Variants in ZNF223 observed in about 807,000 individuals in gnomAD.
The protein encoded by ZNF223 is zinc finger protein 223, also known as Homo sapiens zinc finger protein 223.
In ZNF223, 9 loss-of-function variants were observed where a neutral mutation model predicts 12.3. That is an observed-to-expected ratio of 0.73 (90% CI 0.44 to 1.28). The LOEUF is 1.28. Among genes scored for constraint, ZNF223 ranks in the 50% most tolerant of loss-of-function variants. The pLI is 0.00. For missense variants in ZNF223, 506 were observed against 579.0 expected (o/e 0.87, Z 1.29); for synonymous variants, 171 against 195.2 (o/e 0.88, Z 1.03).
Position 44,066,614 on chromosome 19 carries a change from T to TTTCTCTCCCATGTGG in ZNF223, c.786_787insTTCTCTCCCATGTGG (p.Cys262_Glu263insPheSerProMetTrp), listed in dbSNP as rs769286577. ...ACATGGGAGAGAAACATTATAATTGTGAGGCATGTGGGAGGGCCTTCATTC... is the reference window on the plus strand; with the variant it reads ...ACATGGGAGAGAAACATTATAATTGTTTCTCTCCCATGTGGGAGGCATGTGGGAGGGCCTTCATTC... On this transcript the variant is annotated inframe_insertion, in exon 5 of 5. Transcript: ENST00000434772. 72 of 1,614,216 alleles carry TTTCTCTCCCATGTGG rather than the reference T, an allele frequency of 4.5e-5. No homozygotes were observed. In the African/African-American group the frequency reaches 6.9e-4, roughly 16 times the overall value.
chr19:44,062,802 A>G (rs1283035695), intron 4 of ZNF223, among the ~76,000 whole-genome samples: 1 of 152,110 alleles, frequency 6.6e-6, no homozygotes, highest in Admixed American at 6.5e-5. Context: ...TCTGCAGCCC[A>G]TTTGCCTTTT....
intron 2 of ZNF223, among the ~76,000 whole-genome samples, chr19:44,056,215 C>T (rs969027994): frequency 6.6e-6 from 1 of 151,866 alleles, no homozygotes; most frequent in African/African-American, 2.4e-5. Flanking sequence ...GCACAAGATA[C>T]CTCACACATT....
At chr19:44,054,537 G>GT (rs36103129) in intron 1 of ZNF223, among the ~76,000 whole-genome samples, 40 of 149,158 alleles carry the variant, frequency 2.7e-4, no homozygotes, top group African/African-American at 6.2e-4. Context: ...TGCATTAACA[G>GT]TTTTTTTTTT....
In ZNF223 at chr19:44,066,798, G is replaced by T. The variant is rs61729338; in HGVS notation, c.970G>T (p.Gly324Cys). The change falls in exon 5 of 5, where the codon GGC (glycine) becomes TGC (cysteine). Residue 324 changes from glycine (G) to cysteine (C), a missense_variant. By Grantham distance (159) the Gly-to-Cys change is radical. Coordinates refer to ENST00000434772, the MANE Select transcript of ZNF223 (RefSeq NM_013361.6). ...KPNSTGEYGKGFIRRLDLCKH... is the reference protein window; with the variant it reads ...KPNSTGEYGKCFIRRLDLCKH... ...AAACAGCACTGGGGAATATGGAAAA[G>T]GCTTCATTCGTAGGCTGGATTTGTG... is the stretch of plus-strand genomic sequence containing the variant. 6.2e-7 allele frequency: 1 copy of T among 1,614,136 alleles called. No individual in the cohort carries two copies. Among genetic ancestry groups the T allele is most frequent in the Non-Finnish European group, 8.5e-7 (1 of 1,180,024 alleles).
intron 2 of ZNF223, 71 bp downstream of exon 2, chr19:44,055,262 G>T: frequency 1.3e-6 from 2 of 1,554,774 alleles, no homozygotes; most frequent in East Asian, 2.2e-5. Context: ...GTTTTTCTCT[G>T]CCCTGGGAAG....
At chr19:44,061,155 C>G (rs1976834044) in intron 4 of ZNF223, among the ~76,000 whole-genome samples, 1 of 152,194 alleles carries the variant, frequency 6.6e-6, no homozygotes, top group Non-Finnish European at 1.5e-5. Flanking sequence ...TCATTTTTCA[C>G]TGCTTCTTGA....
chr19:44,058,441 A>G (rs1261424736), intron 2 of ZNF223, among the ~76,000 whole-genome samples: 1 of 152,236 alleles, frequency 6.6e-6, no homozygotes, highest in African/African-American at 2.4e-5. Flanking sequence ...CATGACCACA[A>G]GCAGCACAGC....
At position 44,055,090 on chromosome 19, in the gene ZNF223, T is replaced by C. The variant is rs1254839760; in HGVS notation, c.-68-19T>C. ...CCACCCTTTCATGTCTCTTTTTCTG[T>C]CTTCATGGCACTTTCCAGGCACAAT... On this transcript the variant is annotated intron_variant, in intron 1 of 4. Transcript: ENST00000434772. 7.1e-7 allele frequency: 1 copy of C among 1,406,098 alleles called. No individual in the cohort carries two copies. Among genetic ancestry groups the C allele is most frequent in the Non-Finnish European group, 1.0e-6 (1 of 1,002,912 alleles). 87.1% of individuals were successfully genotyped at this position (1,406,098 alleles called of 1,614,324 possible). A position where few individuals can be genotyped will look rare whatever the true frequency, so the allele number is the denominator to read the frequency against.
rs150263475 is a variant in ZNF223 at position 44,066,835 on chromosome 19, C to T, written c.1007C>T (p.Thr336Met). The change falls in exon 5 of 5, where the codon ACG (threonine) becomes ATG (methionine). Residue 336 changes from threonine to methionine, a missense_variant. Physicochemically the swap from Thr to Met is moderately conservative, Grantham distance 81. Coordinates refer to ENST00000434772, the MANE Select transcript of ZNF223 (RefSeq NM_013361.6). Reference protein sequence around the residue: ...IRRLDLCKHQTIHTGEKPYNC... With the variant: ...IRRLDLCKHQMIHTGEKPYNC... ...AGGCTGGATTTGTGTAAGCATCAGA[C>T]GATCCACACAGGAGAGAAACCATAT... 330 of 1,610,428 alleles carry T rather than the reference C, an allele frequency of 2.0e-4. 1 individual carries two copies. Among genetic ancestry groups the T allele is most frequent in the African/African-American group, 3.1e-4 (23 of 73,640 alleles).
intron 1 of ZNF223, 77 bp from the exon 2 acceptor site, chr19:44,055,032 A>G (rs1316266692): frequency 1.8e-5 from 12 of 665,460 alleles, no homozygotes; most frequent in African/African-American, 3.6e-5. Context: ...CTAATTGACA[A>G]TATGAGTCCT....
In ZNF223 at chr19:44,066,695, A is replaced by G. The variant is rs1279077839; in HGVS notation, c.867A>G (p.Lys289=). 2.5e-6 allele frequency: 4 copies of G among 1,614,084 alleles called. No individual in the cohort carries two copies. The African/African-American group carries it at 5.3e-5, about 22-fold the overall frequency. The part of the protein sequence containing the change: ...QRIHTGEKPF[K]CEICSVSFRL... ...TTCACACAGGGGAGAAGCCATTCAAATGTGAGATATGTAGTGTGAGCTTCC... is the reference window on the plus strand; with the variant it reads ...TTCACACAGGGGAGAAGCCATTCAAGTGTGAGATATGTAGTGTGAGCTTCC... Residue 289 remains lysine, a synonymous_variant, in exon 5 of 5, where the codon AAA becomes AAG. Coordinates refer to ENST00000434772, the MANE Select transcript of ZNF223 (RefSeq NM_013361.6).
intron 2 of ZNF223, among the ~76,000 whole-genome samples, chr19:44,055,505 C>T (rs1450998477): frequency 2.0e-5 from 3 of 150,996 alleles, no homozygotes; most frequent in Non-Finnish European, 4.4e-5. Context: ...TGCAGTGGCT[C>T]ACACTGGTAA....
chr19:44,059,077 T>C (rs899012081), intron 2 of ZNF223, among the ~76,000 whole-genome samples: 2 of 152,172 alleles, frequency 1.3e-5, no homozygotes, highest in Admixed American at 6.5e-5. Flanking sequence ...CCCATTCCCT[T>C]GTTTGGGTGT....
chr19:44,067,332 T>C lies in ZNF223; in HGVS notation c.*55T>C, dbSNP rs750315081. 5.4e-6 allele frequency: 8 copies of C among 1,483,900 alleles called. No individual in the cohort carries two copies. Among genetic ancestry groups the C allele is most frequent in the Non-Finnish European group, 7.4e-6 (8 of 1,084,686 alleles). The allele number at this position is 1,483,900 out of a possible 1,614,324, so 91.9% of individuals were successfully genotyped here. A position where few individuals can be genotyped will look rare whatever the true frequency, so the allele number is the denominator to read the frequency against. On this transcript the variant is annotated 3_prime_UTR_variant, in exon 5 of 5. Transcript: ENST00000434772. ...GATATTTAAATATATGTATATGATG[T>C]ATAATGATCAAATCAGTGTAATTAG...
intron 1 of ZNF223, 123 bp from the exon 2 acceptor site, chr19:44,054,986 G>A: frequency 2.0e-6 from 1 of 492,678 alleles, no homozygotes; most frequent in East Asian, 3.0e-5. Flanking sequence ...GCAATTTGGG[G>A]TTAGTATGAA....
Position 44,066,437 on chromosome 19 carries a change from C to CT in ZNF223, c.612dup (p.Lys205Ter), listed in dbSNP as rs1176904747. The CT allele has an allele frequency of 5.0e-6, 8 of 1,614,042 alleles. No homozygotes were observed. The African/African-American group carries it at 6.7e-5, about 13-fold the overall frequency. On this transcript the variant is annotated frameshift_variant, in exon 5 of 5. Coordinates refer to ENST00000434772, the MANE Select transcript of ZNF223 (RefSeq NM_013361.6). LOFTEE classifies it low-confidence loss of function (END_TRUNC). ...AGAGAGTCCACCTGGGAGAGAAACT[C>CT]TTTAAGTGTGACGTGTGTGGTAAGG...
chr19:44,064,080 C>A (rs1976874811), intron 4 of ZNF223, among the ~76,000 whole-genome samples: 1 of 152,128 alleles, frequency 6.6e-6, no homozygotes, highest in African/African-American at 2.4e-5. Context: ...TCAGTATAAC[C>A]TGGACAGTTT....
At position 44,066,863 on chromosome 19, in the gene ZNF223, T is replaced by C; in HGVS notation, c.1035T>C (p.Asn345=). The change falls in exon 5 of 5, where the codon AAT becomes AAC. Residue 345 remains asparagine, a synonymous_variant. Transcript: ENST00000434772. ...QTIHTGEKPY[N]CKECGKSFRR... is the part of the protein sequence containing the mutation. ...TCCACACAGGAGAGAAACCATATAA[T>C]TGTAAAGAATGTGGGAAGAGCTTCA... 1 of 1,614,038 alleles carries C rather than the reference T, an allele frequency of 6.2e-7. No homozygotes were observed. Among genetic ancestry groups the C allele is most frequent in the Non-Finnish European group, 8.5e-7 (1 of 1,180,014 alleles).
chr19:44,066,434 A>G lies in ZNF223; in HGVS notation c.606A>G (p.Lys202=). 1 of 1,612,986 alleles carries G rather than the reference A, an allele frequency of 6.2e-7. No individual in the cohort carries two copies. Among genetic ancestry groups the G allele is most frequent in the South Asian group, 1.1e-5 (1 of 90,984 alleles). The change falls in exon 5 of 5, where the codon AAA becomes AAG. Residue 202 remains lysine (K), a synonymous_variant. Transcript: ENST00000434772. ...HIHQRVHLGE[K]LFKCDVCGKE... ...ATCAGAGAGTCCACCTGGGAGAGAA[A>G]CTCTTTAAGTGTGACGTGTGTGGTA...
Sources: gnomAD v4.1 joint callset for allele counts (sites outside exome capture counted in the v4.1 genomes callset) on GRCh38, gnomAD v4.1.1 for gene constraint, MANE v1.5 for transcripts, NCBI Gene and HGNC (gene_info 2026-07-23, HGNC 2026-07-21) for gene names.